The following DMD variants were observed in gnomAD, a reference collection of about 807,000 sequenced individuals.
DMD encodes the protein mutant dystrophin.
Under a neutral mutation model 330.1 loss-of-function variants are expected in DMD, and 63 were observed. That is an observed-to-expected ratio of 0.19 (90% CI 0.16 to 0.24). The LOEUF (loss-of-function observed/expected upper bound fraction) is 0.24. DMD is among the 10% of genes least tolerant of loss of function. DMD has a pLI of 1.00. For synonymous variants in DMD, 1,223 were observed against 959.8 expected, an observed-to-expected ratio of 1.27 and a Z score of -5.07; for missense variants, 3,344 against 2,684.1, an observed-to-expected ratio of 1.25 and a Z score of -5.43.
intron 52 of DMD, among the ~76,000 whole-genome samples, chrX:31,729,155 G>A (rs183075885): frequency 6.6e-4 from 74 of 112,100 alleles, no homozygotes; most frequent in Non-Finnish European, 1.1e-3. Context: ...ACAGTACGAT[G>A]ATTTTTGATA....
At chrX:32,501,918 C>A in intron 18 of DMD, 76 bp from the exon 19 acceptor site, 4 of 762,144 alleles carry the variant, frequency 5.2e-6, no homozygotes, top group Non-Finnish European at 7.9e-6. Flanking sequence ...CTTCTACTTG[C>A]CCTTTCAAGC....
At chrX:31,680,360 ACTT>A (rs2082308771) in intron 52 of DMD, among the ~76,000 whole-genome samples, 1 of 109,074 alleles carries the variant, frequency 9.2e-6, no homozygotes, top group Non-Finnish European at 1.9e-5. Flanking sequence ...TGTATTAGAA[ACTT>A]CTTCTTTTTC....
intron 44 of DMD, among the ~76,000 whole-genome samples, chrX:32,076,374 TC>T (rs201754986): frequency 6.4e-5 from 6 of 93,574 alleles, no homozygotes; most frequent in African/African-American, 2.4e-4. Flanking sequence ...CTTCTTTTTT[TC>T]TTTCTTTCTT....
intron 44 of DMD, among the ~76,000 whole-genome samples, chrX:32,167,214 G>A (rs765335068): frequency 5.3e-5 from 6 of 112,371 alleles, no homozygotes; most frequent in African/African-American, 1.9e-4. Flanking sequence ...ACTTATAAAC[G>A]AGCTGAAGTA....
intron 53 of DMD, 101 bp from the exon 54 acceptor site, chrX:31,658,245 G>T: frequency 1.1e-6 from 1 of 906,963 alleles, no homozygotes; most frequent in Non-Finnish European, 1.6e-6. Flanking sequence ...TGAATCCTCA[G>T]GTCAGAATAC....
chrX:31,941,272 T>C (rs1051037858), intron 45 of DMD, among the ~76,000 whole-genome samples: 1 of 112,008 alleles, frequency 8.9e-6, no homozygotes, highest in Non-Finnish European at 1.9e-5. Flanking sequence ...CCGTTTTTTC[T>C]GATTTGAATC....
At chrX:32,086,133 A>T (rs762410269) in intron 44 of DMD, among the ~76,000 whole-genome samples, 2 of 112,062 alleles carry the variant, frequency 1.8e-5, no homozygotes, top group Non-Finnish European at 3.8e-5. Flanking sequence ...AAACCAATCT[A>T]TGCTGTCACA....
chrX:32,450,997 G>A (rs779661396), intron 26 of DMD, among the ~76,000 whole-genome samples: 19 of 110,846 alleles, frequency 1.7e-4, no homozygotes, highest in South Asian at 1.1e-3. Context: ...CTAAATGACT[G>A]GTACAGTTTC....
intron 9 of DMD, among the ~76,000 whole-genome samples, chrX:32,658,908 T>G (rs755804629): frequency 1.8e-5 from 2 of 112,013 alleles, no homozygotes; most frequent in Admixed American, 9.5e-5. Context: ...TTGGCAAAGT[T>G]TTTTAATTTC....
At chrX:31,203,097 C>A (rs1410101733) in intron 67 of DMD, among the ~76,000 whole-genome samples, 1 of 108,776 alleles carries the variant, frequency 9.2e-6, no homozygotes, top group Admixed American at 9.9e-5. Context: ...GCCTGGCCAA[C>A]CTGGTGAAAC....
At chrX:31,241,419 A>G (rs748603237) in intron 63 of DMD, among the ~76,000 whole-genome samples, 7 of 112,065 alleles carry the variant, frequency 6.2e-5, no homozygotes, top group African/African-American at 1.9e-4. Flanking sequence ...GTATGGCAGC[A>G]CATACATTTA....
intron 55 of DMD, among the ~76,000 whole-genome samples, chrX:31,549,083 G>T (rs1285835153): frequency 9.0e-6 from 1 of 111,544 alleles, no homozygotes; most frequent in Admixed American, 9.6e-5. Flanking sequence ...AATGAGGAGG[G>T]TATGGATTAT....
At chrX:32,635,664 T>C (rs941396940) in intron 11 of DMD, among the ~76,000 whole-genome samples, 3 of 111,994 alleles carry the variant, frequency 2.7e-5, no homozygotes, top group Non-Finnish European at 5.6e-5. Flanking sequence ...TTTGTTGTTG[T>C]TGCATGGCAA....
intron 63 of DMD, among the ~76,000 whole-genome samples, chrX:31,257,901 C>T (rs2050129040): frequency 9.0e-6 from 1 of 111,693 alleles, no homozygotes; most frequent in Non-Finnish European, 1.9e-5. Flanking sequence ...GAGCCAAGAT[C>T]GTGCCACTGC....
At chrX:32,849,394 A>C (rs2080948189) in intron 3 of DMD, among the ~76,000 whole-genome samples, 1 of 112,209 alleles carries the variant, frequency 8.9e-6, no homozygotes, top group African/African-American at 3.2e-5. Flanking sequence ...GGTTCCTTGT[A>C]AAATAACTTC....
At chrX:32,300,805 T>C (rs185266289) in intron 42 of DMD, among the ~76,000 whole-genome samples, 27 of 111,074 alleles carry the variant, frequency 2.4e-4, no homozygotes, top group African/African-American at 8.5e-4. Context: ...GTAGGTTTTA[T>C]GGAGGAAAAA....
At chrX:32,743,190 T>C (rs1639011112) in intron 7 of DMD, among the ~76,000 whole-genome samples, 1 of 111,348 alleles carries the variant, frequency 9.0e-6, no homozygotes, top group South Asian at 3.8e-4. Context: ...CAGCAGGAGT[T>C]GGTGTATAAA....
In DMD at chrX:32,668,006, G is replaced by A. The variant is rs1051722566; in HGVS notation, c.961-22854C>T. ...AAAAAAAAAAATACAAAAATTAGTCGGGCATGGTGGCAGGTGCCTGTAATC... is the reference window on the plus strand; with the variant it reads ...AAAAAAAAAAATACAAAAATTAGTCAGGCATGGTGGCAGGTGCCTGTAATC... On this transcript the variant is annotated intron_variant, in intron 9 of 78. Transcript: ENST00000357033. 6.4e-5 allele frequency among the ~76,000 whole-genome samples: 7 copies of A among 110,048 alleles called. No individual in the cohort carries two copies. The South Asian group carries it at 2.0e-3, about 31-fold the overall frequency.
chrX:32,730,452 A>C (rs1184898257), intron 7 of DMD, among the ~76,000 whole-genome samples: 1 of 112,648 alleles, frequency 8.9e-6, no homozygotes, highest in Non-Finnish European at 1.9e-5. Context: ...ACACAAAAAC[A>C]ATTTGAATGT....
Sources: allele counts gnomAD v4.1 joint callset (sites outside exome capture counted in the v4.1 genomes callset), GRCh38; gene constraint gnomAD v4.1.1; transcripts MANE v1.5; gene names NCBI Gene and HGNC (gene_info 2026-07-23, HGNC 2026-07-21).